The following KANK1 variants were observed in gnomAD, a reference collection of about 807,000 sequenced individuals.
KANK1 encodes KN motif and ankyrin repeat domain-containing protein 1.
Under a neutral mutation model 106.2 loss-of-function variants are expected in KANK1, and 109 were observed. That is an observed-to-expected ratio of 1.03 (90% CI 0.88 to 1.20). The LOEUF (loss-of-function observed/expected upper bound fraction) is 1.20. Ranked by LOEUF, KANK1 falls within the 50% of genes most tolerant of loss-of-function variation. The pLI, the probability that KANK1 is intolerant of heterozygous loss-of-function variation, is 0.00. For synonymous variants in KANK1, 873 were observed against 652.2 expected, an observed-to-expected ratio of 1.34 and a Z score of -5.16; for missense variants, 2,399 against 1,710.7, an observed-to-expected ratio of 1.40 and a Z score of -7.10.
intron 1 of KANK1, among the ~76,000 whole-genome samples, chr9:636,238 T>G (rs1349097107): frequency 6.6e-6 from 1 of 152,162 alleles, no homozygotes; most frequent in Non-Finnish European, 1.5e-5. Context: ...TGCTCTTAGA[T>G]CTTTATATGC....
chr9:516,982 A>G (rs1214641316), intron 1 of KANK1, among the ~76,000 whole-genome samples: 2 of 119,654 alleles, frequency 1.7e-5, no homozygotes, highest in African/African-American at 3.9e-5. Flanking sequence ...TGTGGTTTCT[A>G]TTCTTCATCA....
intron 1 of KANK1, among the ~76,000 whole-genome samples, chr9:587,149 T>C (rs7045670): frequency 0.03 from 4,511 of 152,286 alleles, 244 homozygotes; most frequent in African/African-American, 0.1. Flanking sequence ...AGATAACATA[T>C]CGTTTTTTTC....
intron 2 of KANK1, chr9:681,004 A>T (rs569871568): frequency 1.4e-4 from 21 of 152,626 alleles, no homozygotes; most frequent in Admixed American, 9.8e-4. Context: ...GCTTGAGGCC[A>T]GGAGTTCAAG....
rs569022015 is a variant in KANK1 at position 650,298 on chromosome 9, C to T, written c.-83-26592C>T. On this transcript the variant is annotated intron_variant, in intron 1 of 11. Coordinates refer to ENST00000382297, the MANE Select transcript of KANK1 (RefSeq NM_015158.5). ...AAGAATGTATATTATTTAATTCTTGCAAAGTGAAAGTAAAAGATCAGGAAA... is the reference window on the plus strand; with the variant it reads ...AAGAATGTATATTATTTAATTCTTGTAAAGTGAAAGTAAAAGATCAGGAAA... Among the ~76,000 whole-genome samples the T allele has an allele frequency of 2.0e-5, 3 of 152,160 alleles. No individual in the cohort carries two copies. The South Asian group carries it at 6.2e-4, about 32-fold the overall frequency.
chr9:614,509 T>C (rs1831332450), intron 1 of KANK1, among the ~76,000 whole-genome samples: 1 of 152,204 alleles, frequency 6.6e-6, no homozygotes. Context: ...GGTCCTATCC[T>C]AGTGGCAATC....
At chr9:607,604 G>A (rs957851059) in intron 1 of KANK1, among the ~76,000 whole-genome samples, 2 of 151,530 alleles carry the variant, frequency 1.3e-5, no homozygotes, top group African/African-American at 4.9e-5. Context: ...CCAAGTCCAG[G>A]ACTAGCTGCA....
intron 1 of KANK1, among the ~76,000 whole-genome samples, chr9:541,933 C>A (rs898711181): frequency 2.0e-5 from 3 of 151,106 alleles, no homozygotes; most frequent in Non-Finnish European, 4.4e-5. Flanking sequence ...ACTAAAAATA[C>A]AAAAAATTAG....
intron 1 of KANK1, among the ~76,000 whole-genome samples, chr9:532,431 GTA>G (rs2133571407): frequency 8.8e-6 from 1 of 113,362 alleles, no homozygotes; most frequent in African/African-American, 3.4e-5. Context: ...TTGATGTTAA[GTA>G]TGTTTACATT....
At chr9:542,161 A>G (rs1321842234) in intron 1 of KANK1, among the ~76,000 whole-genome samples, 1 of 109,806 alleles carries the variant, frequency 9.1e-6, no homozygotes, top group East Asian at 5.2e-4. Context: ...CAACAGATAC[A>G]TGAAAAGTGC....
chr9:480,755 G>C (rs2058189403), intron 3 of KANK1, among the ~76,000 whole-genome samples: 1 of 152,172 alleles, frequency 6.6e-6, no homozygotes, highest in Admixed American at 6.5e-5. Context: ...ACGTTGTGGG[G>C]AAGATCTCCA....
chr9:693,878 T>A (rs1588968178), intron 2 of KANK1: 14 of 928,686 alleles, frequency 1.5e-5, no homozygotes, highest in Non-Finnish European at 1.8e-5. Flanking sequence ...CTGTGTGTTG[T>A]GAAAAAGATT....
chr9:675,914 G>A (rs62531170), intron 1 of KANK1, among the ~76,000 whole-genome samples: 19,924 of 152,190 alleles, frequency 0.13, 1,591 homozygotes, highest in Admixed American at 0.17. Context: ...GTAGTTCCTG[G>A]AAGTGAGGGG....
Position 710,972 on chromosome 9 carries a change from C to G in KANK1, c.206C>G (p.Pro69Arg), listed in dbSNP as rs61737969. 3 of 1,614,120 alleles carry G rather than the reference C, an allele frequency of 1.9e-6. No homozygotes were observed. Among genetic ancestry groups the G allele is most frequent in the East Asian group, 4.5e-5 (2 of 44,874 alleles). The change falls in exon 3 of 12, where the codon CCG (proline) becomes CGG (arginine). Residue 69 changes from proline to arginine, a missense_variant. By Grantham distance (103) the Pro-to-Arg change is moderately radical. Transcript: ENST00000382297. ...CTGAACATCCAGAAGAGGCGGAAGC[C>G]GTCCGTGCCATGCCCAGAACCCAGG... ...KRLNIQKRRK[P>R]SVPCPEPRTT...
In KANK1 at chr9:712,447, G is replaced by A. The variant is rs1484691746; in HGVS notation, c.1681G>A (p.Gly561Arg). The A allele has an allele frequency of 1.2e-6, 2 of 1,614,030 alleles. No homozygotes were observed. Among genetic ancestry groups the A allele is most frequent in the Non-Finnish European group, 8.5e-7 (1 of 1,180,044 alleles). Residue 561 changes from glycine to arginine, a missense_variant, in exon 3 of 12, where the codon GGG becomes AGG. Physicochemically the swap from Gly to Arg is moderately radical, Grantham distance 125. Coordinates refer to ENST00000382297, the MANE Select transcript of KANK1 (RefSeq NM_015158.5). The part of the protein sequence containing the change: ...CQPECKNKVV[G>R]PELPMNWWIV... The stretch of plus-strand genomic sequence containing the variant: ...GCCTGAATGTAAGAATAAAGTCGTA[G>A]GGCCTGAGCTGCCTATGAATTGGTG...
rs552819999 is a variant in KANK1, at chr9:598,137, G to C, written c.-83-78753G>C. Among the ~76,000 whole-genome samples the C allele has an allele frequency of 7.3e-5, 11 of 151,708 alleles. No homozygotes were observed. In the South Asian group the frequency reaches 1.9e-3, roughly 26 times the overall value. On this transcript the variant is annotated intron_variant, in intron 1 of 11. Coordinates refer to ENST00000382297, the MANE Select transcript of KANK1 (RefSeq NM_015158.5). ...CTGAAGAGACAGTATTTCCCCATTT[G>C]AATGGTCTTTGTACCCTTGTTAAAA...
Position 666,014 on chromosome 9 carries a change from TA to T in KANK1, c.-83-10867del, listed in dbSNP as rs562316511. Among the ~76,000 whole-genome samples the T allele has an allele frequency of 1.1e-4, 17 of 150,908 alleles. No individual in the cohort carries two copies. The South Asian group carries it at 1.5e-3, about 13-fold the overall frequency. ...GGGCAGCATAGTGTGACCTCATCTC[TA>T]AAAAAAAATCAAAATATTAGCCAGA... is the stretch of plus-strand genomic sequence containing the variant. On this transcript the variant is annotated intron_variant, in intron 1 of 11. Coordinates refer to ENST00000382297, the MANE Select transcript of KANK1 (RefSeq NM_015158.5).
chr9:551,157 C>G (rs1057213621), intron 1 of KANK1, among the ~76,000 whole-genome samples: 1 of 151,854 alleles, frequency 6.6e-6, no homozygotes, highest in African/African-American at 2.4e-5. Context: ...ATAAGAAGCT[C>G]AGGCAGCTCT....
chr9:742,457 G>T, intron 10 of KANK1, 52 bp downstream of exon 10: 1 of 1,412,866 alleles, frequency 7.1e-7, no homozygotes, highest in Non-Finnish European at 9.7e-7. Flanking sequence ...GACTCTGGAC[G>T]GGAGCTCTGG....
At chr9:578,967 C>T (rs1167006475) in intron 1 of KANK1, among the ~76,000 whole-genome samples, 1 of 152,158 alleles carries the variant, frequency 6.6e-6, no homozygotes, top group Non-Finnish European at 1.5e-5. Flanking sequence ...TATATCTTGA[C>T]TTAATAAATG....
Sources: allele counts gnomAD v4.1 joint callset (sites outside exome capture counted in the v4.1 genomes callset), GRCh38; gene constraint gnomAD v4.1.1; transcripts MANE v1.5; gene names NCBI Gene and HGNC (gene_info 2026-07-23, HGNC 2026-07-21).